Variants in ST6GALNAC3 observed in about 807,000 individuals in gnomAD.
The protein encoded by ST6GALNAC3 is ST6 N-acetylgalactosaminide alpha-2,6-sialyltransferase 3, also known as alpha-N-acetylgalactosaminide alpha-2,6-sialyltransferase 3.
In ST6GALNAC3, 25 loss-of-function variants were observed where a neutral mutation model predicts 32.7. That is an observed-to-expected ratio of 0.76 (90% CI 0.56 to 1.07). The LOEUF (loss-of-function observed/expected upper bound fraction) is 1.07. Among genes scored for constraint, ST6GALNAC3 ranks in the 50% least tolerant of loss-of-function variants. The pLI is 0.00. For synonymous variants in ST6GALNAC3, 129 were observed against 133.1 expected, an observed-to-expected ratio of 0.97 and a Z score of 0.21; for missense variants, 355 against 382.4, an observed-to-expected ratio of 0.93 and a Z score of 0.60.
intron 2 of ST6GALNAC3, among the ~76,000 whole-genome samples, chr1:76,327,781 G>A (rs1169748704): frequency 4.6e-5 from 7 of 152,020 alleles, no homozygotes; most frequent in Admixed American, 1.3e-4. Flanking sequence ...GTAGAAACAG[G>A]GTTTCACCAT....
chr1:76,237,849 G>A (rs1656745222), intron 1 of ST6GALNAC3, among the ~76,000 whole-genome samples: 1 of 152,202 alleles, frequency 6.6e-6, no homozygotes, highest in Non-Finnish European at 1.5e-5. Flanking sequence ...AGAGCATATA[G>A]TCTAGCAGAG....
chr1:76,546,769 T>C (rs1664322470), intron 3 of ST6GALNAC3, among the ~76,000 whole-genome samples: 2 of 152,188 alleles, frequency 1.3e-5, no homozygotes, highest in East Asian at 3.9e-4. Context: ...GAAGTCCAGG[T>C]TGAGGCTGCC....
chr1:76,480,898 GT>G (rs1373086246), intron 3 of ST6GALNAC3, among the ~76,000 whole-genome samples: 1 of 151,938 alleles, frequency 6.6e-6, no homozygotes, highest in African/African-American at 2.4e-5. Context: ...CATTCCACTA[GT>G]TTCCATTGCT....
At chr1:76,186,029 T>G (rs3011987) in intron 1 of ST6GALNAC3, among the ~76,000 whole-genome samples, 20,903 of 152,186 alleles carry the variant, frequency 0.14, 1,707 homozygotes, top group Non-Finnish European at 0.19. Context: ...TCTGCAGATT[T>G]TTGTAGTTTT....
intron 3 of ST6GALNAC3, among the ~76,000 whole-genome samples, chr1:76,440,885 C>T (rs758635345): frequency 4.6e-5 from 7 of 151,648 alleles, no homozygotes; most frequent in African/African-American, 7.3e-5. Flanking sequence ...GTCAGGAGTT[C>T]GAGACCAGCC....
chr1:76,500,038 A>C (rs1458314763), intron 3 of ST6GALNAC3, among the ~76,000 whole-genome samples: 2 of 148,388 alleles, frequency 1.3e-5, no homozygotes, highest in African/African-American at 4.9e-5. Context: ...GTGGAGATTT[A>C]AAAAAAAAAG....
At chr1:76,344,990 A>T (rs1366895284) in intron 2 of ST6GALNAC3, among the ~76,000 whole-genome samples, 1 of 152,148 alleles carries the variant, frequency 6.6e-6, no homozygotes, top group Non-Finnish European at 1.5e-5. Context: ...ATGCCCCATC[A>T]AGTCCTACCT....
chr1:76,356,472 C>A lies in ST6GALNAC3; in HGVS notation c.213+42473C>A, dbSNP rs1364995558. Among the ~76,000 whole-genome samples the A allele has an allele frequency of 6.3e-5, 9 of 142,350 alleles. No homozygotes were observed. In the South Asian group the frequency reaches 1.1e-3, roughly 18 times the overall value. 93.4% of individuals were successfully genotyped at this position (142,350 alleles called of 152,430 possible). A position where few individuals can be genotyped will look rare whatever the true frequency, so the allele number is the denominator to read the frequency against. On this transcript the variant is annotated intron_variant, in intron 2 of 4. Transcript: ENST00000328299. ...AAAAAAGCCTAATAGAATTTACATG[C>A]CAGTGCAGGAACAGGGGAGAAAGGG...
intron 3 of ST6GALNAC3, among the ~76,000 whole-genome samples, chr1:76,493,075 T>G (rs1356025156): frequency 1.3e-5 from 2 of 152,006 alleles, no homozygotes; most frequent in East Asian, 3.9e-4. Context: ...AGACCTCTCT[T>G]ATACTTCATT....
downstream of ST6GALNAC3, chr1:76,637,036 G>T (rs1381182152): frequency 6.6e-6 from 1 of 152,122 alleles, no homozygotes. Context: ...TAATCAGAGT[G>T]GTGGCTCTCA....
intron 1 of ST6GALNAC3, among the ~76,000 whole-genome samples, chr1:76,288,630 T>C (rs1659908308): frequency 6.6e-6 from 1 of 152,132 alleles, no homozygotes; most frequent in Non-Finnish European, 1.5e-5. Context: ...TCTGGCTGAA[T>C]GGTATGGGTC....
intron 1 of ST6GALNAC3, among the ~76,000 whole-genome samples, chr1:76,268,769 C>T (rs1311527041): frequency 6.6e-6 from 1 of 152,126 alleles, no homozygotes; most frequent in Non-Finnish European, 1.5e-5. Context: ...TGTTTTGACA[C>T]AATTGTATTT....
chr1:76,518,250 A>G (rs552428052), intron 3 of ST6GALNAC3, among the ~76,000 whole-genome samples: 1 of 152,178 alleles, frequency 6.6e-6, no homozygotes, highest in East Asian at 1.9e-4. Context: ...TATGATTGAT[A>G]GGACCAGTCT....
chr1:76,306,766 T>C lies in ST6GALNAC3; in HGVS notation c.19-7039T>C, dbSNP rs534751851. The stretch of plus-strand genomic sequence containing the variant: ...TCAGATGACATGATAAGAGGTTACA[T>C]TGAACTTTCTAACACCTATTCTTAA... On this transcript the variant is annotated intron_variant, in intron 1 of 4. Coordinates refer to ENST00000328299, the MANE Select transcript of ST6GALNAC3 (RefSeq NM_152996.4). Among the ~76,000 whole-genome samples, 9 of 152,012 alleles carry C rather than the reference T, an allele frequency of 5.9e-5. No individual in the cohort carries two copies. The East Asian group carries it at 9.7e-4, about 16-fold the overall frequency.
chr1:76,366,328 T>G (rs1650370001), intron 2 of ST6GALNAC3, among the ~76,000 whole-genome samples: 1 of 152,172 alleles, frequency 6.6e-6, no homozygotes, highest in African/African-American at 2.4e-5. Context: ...TCCTGGCTCT[T>G]AATTTAGCTT....
intron 2 of ST6GALNAC3, among the ~76,000 whole-genome samples, chr1:76,409,146 C>T (rs1394020019): frequency 6.6e-6 from 1 of 152,154 alleles, no homozygotes; most frequent in Non-Finnish European, 1.5e-5. Context: ...GAAGTCTTCA[C>T]TATGGCACTA....
At chr1:76,295,166 A>G (rs867656108) in intron 1 of ST6GALNAC3, among the ~76,000 whole-genome samples, 1 of 151,648 alleles carries the variant, frequency 6.6e-6, no homozygotes, top group African/African-American at 2.4e-5. Context: ...ATTTTTTCCC[A>G]CCAGGGAGCC....
Position 76,572,676 on chromosome 1 carries a change from G to T in ST6GALNAC3, c.624-54776G>T, listed in dbSNP as rs191897737. ...TTGTTTTTAAGGCAATGCTGTATGT[G>T]TAATCATGTGTGAATCTTTATTGAA... On this transcript the variant is annotated intron_variant, in intron 3 of 4. Coordinates refer to ENST00000328299, the MANE Select transcript of ST6GALNAC3 (RefSeq NM_152996.4). Among the ~76,000 whole-genome samples, 21 of 152,224 alleles carry T rather than the reference G, an allele frequency of 1.4e-4. No homozygotes were observed. In the East Asian group the frequency reaches 3.5e-3, roughly 25 times the overall value.
At chr1:76,121,599 C>T (rs1648875609) in intron 1 of ST6GALNAC3, among the ~76,000 whole-genome samples, 1 of 152,034 alleles carries the variant, frequency 6.6e-6, no homozygotes, top group Non-Finnish European at 1.5e-5. Context: ...GCCTGTAATC[C>T]CAGCTACTCT....
Sources: gnomAD v4.1 joint callset for allele counts (sites outside exome capture counted in the v4.1 genomes callset) on GRCh38, gnomAD v4.1.1 for gene constraint, MANE v1.5 for transcripts, NCBI Gene and HGNC (gene_info 2026-07-23, HGNC 2026-07-21) for gene names.